The following SPTBN1 variants were observed in gnomAD, a reference collection of about 807,000 sequenced individuals.
SPTBN1 encodes spectrin beta chain, non-erythrocytic 1.
Under a neutral mutation model 266.4 loss-of-function variants are expected in SPTBN1, and 32 were observed. The observed-to-expected ratio is 0.12, with a 90% CI of 0.09 to 0.16. The LOEUF (loss-of-function observed/expected upper bound fraction) is 0.16, where lower values mean the gene tolerates loss of function less well. Ranked by LOEUF, SPTBN1 falls within the 10% of genes least tolerant of loss-of-function variation. SPTBN1 has a pLI of 1.00. For synonymous variants in SPTBN1, 1,336 were observed against 1,162.2 expected (o/e 1.15, Z -3.04); for missense variants, 2,296 against 3,067.1 (o/e 0.75, Z 5.94).
At chr2:54,502,826 G>C (rs1199324144) in intron 1 of SPTBN1, among the ~76,000 whole-genome samples, 1 of 152,168 alleles carries the variant, frequency 6.6e-6, no homozygotes, top group Non-Finnish European at 1.5e-5. Context: ...GAGATTGTGT[G>C]AGTGGTGAGC....
At chr2:54,488,905 TAC>T (rs1372016738) in intron 1 of SPTBN1, among the ~76,000 whole-genome samples, 2 of 151,942 alleles carry the variant, frequency 1.3e-5, no homozygotes, top group Admixed American at 1.3e-4. Flanking sequence ...AAATTAAGAG[TAC>T]AGTTATTATC....
At chr2:54,545,155 T>C (rs1003697065) in intron 2 of SPTBN1, among the ~76,000 whole-genome samples, 1 of 152,228 alleles carries the variant, frequency 6.6e-6, no homozygotes, top group Admixed American at 6.5e-5. Context: ...ATGTGCCACA[T>C]TTTCTTTATC....
intron 32 of SPTBN1, 182 bp downstream of exon 32, chr2:54,660,181 T>G: frequency 6.6e-7 from 1 of 1,504,740 alleles, no homozygotes; most frequent in Non-Finnish European, 8.9e-7. Context: ...AATTTTTACT[T>G]AATTCATAGC....
chr2:54,547,607 C>T (rs992739463), intron 2 of SPTBN1, among the ~76,000 whole-genome samples: 1 of 152,170 alleles, frequency 6.6e-6, no homozygotes, highest in Non-Finnish European at 1.5e-5. Flanking sequence ...TTCTCCATAT[C>T]CTTTACTGAA....
At chr2:54,604,252 G>A (rs1001393865) in intron 3 of SPTBN1, among the ~76,000 whole-genome samples, 3 of 152,074 alleles carry the variant, frequency 2.0e-5, no homozygotes, top group African/African-American at 4.8e-5. Context: ...ACAGGGCATC[G>A]CAGCACCCCA....
Position 54,645,928 on chromosome 2 carries a change from T to A in SPTBN1, c.4495T>A (p.Leu1499Met), listed in dbSNP as rs1338212983. The A allele has an allele frequency of 6.2e-7, 1 of 1,614,210 alleles. No homozygotes were observed. Among genetic ancestry groups the A allele is most frequent in the Non-Finnish European group, 8.5e-7 (1 of 1,180,044 alleles). The part of the protein sequence containing the change: ...QFNRDVEDEI[L>M]WVGERMPLAT... The stretch of plus-strand genomic sequence containing the variant: ...ACCACTTATTTAAAATTCTTCCCAG[T>A]TGTGGGTTGGAGAGAGGATGCCTTT... Residue 1499 changes from leucine (L) to methionine (M), a missense_variant and splice_region_variant, in exon 22 of 36, where the codon TTG (leucine) becomes ATG (methionine). Around this residue, in one of 12 missense-constraint regions of SPTBN1, gnomAD observed 644 missense variants for 745.3 expected, o/e 0.86. Coordinates refer to ENST00000356805, the MANE Select transcript of SPTBN1 (RefSeq NM_003128.3). The surrounding 1 kb of genome is among the most constrained non-coding windows in gnomAD (Gnocchi z 4.3).
chr2:54,592,388 CT>C (rs11402836), intron 2 of SPTBN1, among the ~76,000 whole-genome samples: 1 of 143,690 alleles, frequency 7.0e-6, no homozygotes, highest in Non-Finnish European at 1.6e-5. Context: ...TTTCTTTTTT[CT>C]TTTTTTTTAT....
At chr2:54,624,465 CT>C in intron 10 of SPTBN1, among the ~76,000 whole-genome samples, 1 of 152,212 alleles carries the variant, frequency 6.6e-6, no homozygotes, top group Non-Finnish European at 1.5e-5. Flanking sequence ...AATCATTTAT[CT>C]TTTTTATATG....
chr2:54,637,591 A>G lies in SPTBN1; in HGVS notation c.3768-122A>G. On this transcript the variant is annotated intron_variant, in intron 17 of 35. Coordinates refer to ENST00000356805, the MANE Select transcript of SPTBN1 (RefSeq NM_003128.3). ...TTATCTTGTCTCCTTCACATTATTGAGAACTGCAAGCAAACTCTTTTTAGC... is the reference window on the plus strand; with the variant it reads ...TTATCTTGTCTCCTTCACATTATTGGGAACTGCAAGCAAACTCTTTTTAGC... 4.0e-6 allele frequency: 3 copies of G among 752,004 alleles called. No individual in the cohort carries two copies. In the South Asian group the frequency reaches 5.5e-5, roughly 14 times the overall value. The allele number at this position is 752,004 out of a possible 1,614,324, so 46.6% of individuals were successfully genotyped here.
At chr2:54,542,109 A>C (rs1671973282) in intron 2 of SPTBN1, among the ~76,000 whole-genome samples, 1 of 152,254 alleles carries the variant, frequency 6.6e-6, no homozygotes, top group South Asian at 2.1e-4. Flanking sequence ...TGAATGAATG[A>C]GTAAAATATT....
intron 1 of SPTBN1, among the ~76,000 whole-genome samples, chr2:54,465,051 AAAAAG>A (rs1693558845): frequency 6.6e-6 from 1 of 152,238 alleles, no homozygotes; most frequent in Non-Finnish European, 1.5e-5. Context: ...TCTAATTTTT[AAAAAG>A]GAAAGAAAAA....
intron 3 of SPTBN1, 24 bp downstream of exon 3, chr2:54,599,267 C>T: frequency 6.2e-7 from 1 of 1,611,318 alleles, no homozygotes; most frequent in Non-Finnish European, 8.5e-7. Context: ...TTAGGAAGTG[C>T]CGTGTGTTGT....
rs1393399080 is a variant in SPTBN1, at chr2:54,668,719, G to A, written c.*150G>A. 1 of 673,660 alleles carries A rather than the reference G, an allele frequency of 1.5e-6. No individual in the cohort carries two copies. Among genetic ancestry groups the A allele is most frequent in the Non-Finnish European group, 2.3e-6 (1 of 430,410 alleles). 41.7% of individuals were successfully genotyped at this position (673,660 alleles called of 1,614,324 possible). ...TTAATTTATAGAGCATTTCGGGGGG[G>A]GTGGGGGAAACACACCTAAACACTT... On this transcript the variant is annotated 3_prime_UTR_variant, in exon 36 of 36. Transcript: ENST00000356805.
At chr2:54,579,421 A>G (rs1044093598) in intron 2 of SPTBN1, among the ~76,000 whole-genome samples, 1 of 144,862 alleles carries the variant, frequency 6.9e-6, no homozygotes, top group Admixed American at 6.7e-5. Context: ...AAGTTTCTGA[A>G]AACACCTAAA....
chr2:54,461,985 G>A (rs761427736), intron 1 of SPTBN1, among the ~76,000 whole-genome samples: 1 of 152,126 alleles, frequency 6.6e-6, no homozygotes, highest in Non-Finnish European at 1.5e-5. Flanking sequence ...TCTTTGTTTG[G>A]AAAGAGCATT....
At position 54,554,197 on chromosome 2, in the gene SPTBN1, G is replaced by A. The variant is rs1672735789; in HGVS notation, c.148+27631G>A. Among the ~76,000 whole-genome samples the A allele has an allele frequency of 6.6e-6, 1 of 152,190 alleles. No individual in the cohort carries two copies. Among genetic ancestry groups the A allele is most frequent in the Non-Finnish European group, 1.5e-5 (1 of 68,034 alleles). On this transcript the variant is annotated intron_variant, in intron 2 of 35. Transcript: ENST00000356805. The surrounding 1 kb of genome is among the most constrained non-coding windows in gnomAD (Gnocchi z 4.5). ...TTTCAGAAAAGCTTAGAAACCCATAGTAAGCTGGATATACTCTGAGCATAT... is the reference window on the plus strand; with the variant it reads ...TTTCAGAAAAGCTTAGAAACCCATAATAAGCTGGATATACTCTGAGCATAT...
intron 1 of SPTBN1, among the ~76,000 whole-genome samples, chr2:54,475,867 G>GAT (rs1667799126): frequency 6.6e-6 from 1 of 152,096 alleles, no homozygotes; most frequent in Admixed American, 6.5e-5. Context: ...CAAAACTTTT[G>GAT]ATGCTTCAAA....
At chr2:54,532,150 G>A (rs1473579110) in intron 2 of SPTBN1, among the ~76,000 whole-genome samples, 3 of 152,072 alleles carry the variant, frequency 2.0e-5, no homozygotes, top group African/African-American at 7.2e-5. Context: ...TTAGCTGGGC[G>A]TGGTGGCGGG....
At position 54,669,581 on chromosome 2, in the gene SPTBN1, C is replaced by A. The variant is rs1260220384; in HGVS notation, c.*1012C>A. The stretch of plus-strand genomic sequence containing the variant: ...GGCTGGGCCTGAACAGGGAGGTGGT[C>A]GCTCAGGCCTGGTGCTCAGTCGTAC... On this transcript the variant is annotated 3_prime_UTR_variant, in exon 36 of 36. Coordinates refer to ENST00000356805, the MANE Select transcript of SPTBN1 (RefSeq NM_003128.3). The A allele has an allele frequency of 6.6e-6, 1 of 152,614 alleles. No homozygotes were observed. Among genetic ancestry groups the A allele is most frequent in the Non-Finnish European group, 1.5e-5 (1 of 68,034 alleles). 9.5% of individuals were successfully genotyped at this position (152,614 alleles called of 1,614,324 possible). A position where few individuals can be genotyped will look rare whatever the true frequency, so the allele number is the denominator to read the frequency against.
Sources: allele counts gnomAD v4.1 joint callset (sites outside exome capture counted in the v4.1 genomes callset), GRCh38; gene constraint gnomAD v4.1.1; regional missense constraint gnomAD v4.1.1; non-coding constraint Gnocchi (gnomAD v3.1); transcripts MANE v1.5; gene names NCBI Gene and HGNC (gene_info 2026-07-23, HGNC 2026-07-21).